The following DPP10 variants were observed in gnomAD, a reference collection of about 807,000 sequenced individuals.
DPP10 encodes inactive dipeptidyl peptidase 10.
DPP10 carries 33 observed loss-of-function variants against 120.9 expected under a neutral mutation model. The ratio of observed to expected loss-of-function variants is 0.27; its 90% CI spans 0.21 to 0.37. The LOEUF (loss-of-function observed/expected upper bound fraction) is 0.37. Ranked by LOEUF, DPP10 falls within the 10% of genes least tolerant of loss-of-function variation. The probability of loss-of-function intolerance (pLI) is 1.00; values close to 1 mark genes in which losing one functional copy is unlikely to be tolerated. For missense variants in DPP10, 816 were observed against 942.8 expected, an observed-to-expected ratio of 0.87 and a Z score of 1.76; for synonymous variants, 337 against 326.1, an observed-to-expected ratio of 1.03 and a Z score of -0.36.
chr2:115,721,831 T>C (rs1453267930), intron 7 of DPP10, among the ~76,000 whole-genome samples: 1 of 152,168 alleles, frequency 6.6e-6, no homozygotes, highest in Non-Finnish European at 1.5e-5. Context: ...CTATTCACAA[T>C]AGCCAGGATG....
chr2:115,535,394 C>G (rs1296411795), intron 5 of DPP10, among the ~76,000 whole-genome samples: 1 of 151,940 alleles, frequency 6.6e-6, no homozygotes, highest in African/African-American at 2.4e-5. Context: ...GCTTGTTTTT[C>G]TCAGATTTCT....
chr2:115,794,749 C>G (rs369089815), intron 19 of DPP10, among the ~76,000 whole-genome samples: 3 of 152,016 alleles, frequency 2.0e-5, no homozygotes, highest in East Asian at 1.9e-4. Flanking sequence ...TATAGGGAGC[C>G]CTTAAGGACC....
intron 1 of DPP10, among the ~76,000 whole-genome samples, chr2:114,932,666 G>A (rs11693826): frequency 0.24 from 35,845 of 152,006 alleles, 4,303 homozygotes; most frequent in East Asian, 0.37. Flanking sequence ...TGGCTGTATT[G>A]ACTGGGAAGA....
chr2:114,816,011 C>G (rs754524024), intron 1 of DPP10, among the ~76,000 whole-genome samples: 196 of 151,986 alleles, frequency 1.3e-3, no homozygotes, highest in Admixed American at 3.0e-3. Context: ...GGCATCCCAA[C>G]AGTAAATATA....
intron 1 of DPP10, among the ~76,000 whole-genome samples, chr2:115,117,674 C>G (rs1287256290): frequency 6.6e-6 from 1 of 152,138 alleles, no homozygotes. Context: ...CTGACTTGTA[C>G]ATAGATTTCT....
chr2:114,860,746 T>C (rs1689745197), intron 1 of DPP10, among the ~76,000 whole-genome samples: 3 of 152,188 alleles, frequency 2.0e-5, no homozygotes. Flanking sequence ...TTGCTTCAGC[T>C]CACATCTTTA....
chr2:114,954,157 T>G (rs1698024970), intron 1 of DPP10, among the ~76,000 whole-genome samples: 1 of 146,060 alleles, frequency 6.8e-6, no homozygotes, highest in African/African-American at 2.5e-5. Context: ...CTCGGCTCAC[T>G]GCAAGCTCCG....
At chr2:115,748,005 C>T (rs1678214561) in intron 10 of DPP10, among the ~76,000 whole-genome samples, 1 of 151,966 alleles carries the variant, frequency 6.6e-6, no homozygotes, top group African/African-American at 2.4e-5. Flanking sequence ...TGATTCCTGA[C>T]CTTGATTTTT....
chr2:114,921,681 A>G (rs1490242036), intron 1 of DPP10, among the ~76,000 whole-genome samples: 2 of 152,320 alleles, frequency 1.3e-5, no homozygotes, highest in East Asian at 1.9e-4. Flanking sequence ...TTATCACTGT[A>G]TTCATCTGGC....
At chr2:114,580,289 A>G (rs1690392161) in intron 1 of DPP10, among the ~76,000 whole-genome samples, 1 of 152,212 alleles carries the variant, frequency 6.6e-6, no homozygotes, top group African/African-American at 2.4e-5. Flanking sequence ...CAAGGTAGAC[A>G]GTGATGAATT....
chr2:115,355,369 G>A lies in DPP10; in HGVS notation c.271+11457G>A, dbSNP rs542537277. ...CCGTGTACATGTCTTCTTTCGAGAAGTGTCTGTTCTTAGCCTTTGCCCATT... is the reference window on the plus strand; with the variant it reads ...CCGTGTACATGTCTTCTTTCGAGAAATGTCTGTTCTTAGCCTTTGCCCATT... On this transcript the variant is annotated intron_variant, in intron 3 of 25. Transcript: ENST00000410059. Among the ~76,000 whole-genome samples, 17 of 152,270 alleles carry A rather than the reference G, an allele frequency of 1.1e-4. No individual in the cohort carries two copies. In the South Asian group the frequency reaches 3.3e-3, roughly 30 times the overall value.
chr2:115,415,876 T>TATATATAC (rs1553592804), intron 3 of DPP10, among the ~76,000 whole-genome samples: 2 of 133,162 alleles, frequency 1.5e-5, no homozygotes, highest in African/African-American at 2.9e-5. Context: ...TATATATATA[T>TATATATAC]GCACACACAC....
At chr2:115,664,101 T>C (rs941783592) in intron 5 of DPP10, among the ~76,000 whole-genome samples, 2 of 151,954 alleles carry the variant, frequency 1.3e-5, no homozygotes, top group African/African-American at 4.8e-5. Context: ...TTAAGTTTGG[T>C]AAGTCATTTC....
At chr2:115,617,660 C>CTATA (rs1449116247) in intron 5 of DPP10, among the ~76,000 whole-genome samples, 1 of 151,938 alleles carries the variant, frequency 6.6e-6, no homozygotes, top group Non-Finnish European at 1.5e-5. Flanking sequence ...GATCAATAGG[C>CTATA]TATACTACAT....
chr2:115,271,914 ATATT>A (rs1166047225), intron 1 of DPP10, among the ~76,000 whole-genome samples: 2 of 152,216 alleles, frequency 1.3e-5, no homozygotes, highest in African/African-American at 4.8e-5. Flanking sequence ...TGTTAAGAAA[ATATT>A]TCTTATTTAA....
At chr2:115,585,873 T>G (rs2149146183) in intron 5 of DPP10, among the ~76,000 whole-genome samples, 1 of 152,356 alleles carries the variant, frequency 6.6e-6, no homozygotes, top group East Asian at 1.9e-4. Flanking sequence ...ATTTTCTATT[T>G]AACGTATATC....
intron 1 of DPP10, among the ~76,000 whole-genome samples, chr2:114,942,320 T>TAC (rs1194601135): frequency 0.081 from 10,036 of 123,834 alleles, 534 homozygotes; most frequent in South Asian, 0.13. Context: ...TATATATATA[T>TAC]ACACACACAT....
chr2:115,266,029 G>A (rs1312779777), intron 1 of DPP10, among the ~76,000 whole-genome samples: 48 of 152,016 alleles, frequency 3.2e-4, no homozygotes, highest in Non-Finnish European at 4.4e-5. Flanking sequence ...TGAAGAAGAA[G>A]AGGTAGGACT....
chr2:114,827,436 C>G (rs1686657287), intron 1 of DPP10, among the ~76,000 whole-genome samples: 1 of 152,030 alleles, frequency 6.6e-6, no homozygotes, highest in Non-Finnish European at 1.5e-5. Context: ...ACTTGTTGAC[C>G]ATGACTCATG....
Sources: allele counts gnomAD v4.1 joint callset (sites outside exome capture counted in the v4.1 genomes callset), GRCh38; gene constraint gnomAD v4.1.1; transcripts MANE v1.5; gene names NCBI Gene and HGNC (gene_info 2026-07-23, HGNC 2026-07-21).